NOX4: variants seen among roughly 807,000 people sequenced by gnomAD.
The protein encoded by NOX4 is NADPH oxidase 4, also known as kidney oxidase-1.
Under a neutral mutation model 87.6 loss-of-function variants are expected in NOX4, and 69 were observed. The ratio of observed to expected loss-of-function variants is 0.79; its 90% CI spans 0.65 to 0.96. NOX4 has a LOEUF of 0.96. Among genes scored for constraint, NOX4 ranks in the 40% least tolerant of loss-of-function variants. NOX4 has a pLI of 0.00. For missense variants in NOX4, 680 were observed against 681.5 expected (o/e 1.00, Z 0.02); for synonymous variants, 275 against 238.2 (o/e 1.15, Z -1.42).
At chr11:89,505,595 AC>A in the NOX4 span, among the ~76,000 whole-genome samples, 1 of 151,902 alleles carries the variant, frequency 6.6e-6, no homozygotes, top group African/African-American at 2.4e-5. Context: ...GAGTGCAGTT[AC>A]TGAGGGGACA....
chr11:89,438,671 A>G (rs1205826562), intron 6 of NOX4, among the ~76,000 whole-genome samples: 1 of 43,170 alleles, frequency 2.3e-5, no homozygotes, highest in Non-Finnish European at 3.2e-5. Flanking sequence ...TATATATTAT[A>G]TACTATATAT....
intron 12 of NOX4, among the ~76,000 whole-genome samples, chr11:89,359,626 C>T (rs1306104998): frequency 2.6e-5 from 4 of 152,004 alleles, no homozygotes; most frequent in African/African-American, 2.4e-5. Flanking sequence ...ATCACTGTCA[C>T]ATAATTAGTT....
chr11:89,484,714 T>A (rs931133704), intron 2 of NOX4, among the ~76,000 whole-genome samples: 5 of 152,180 alleles, frequency 3.3e-5, no homozygotes, highest in African/African-American at 1.2e-4. Flanking sequence ...CAGTGTCTAT[T>A]GTAAATAGAT....
chr11:89,424,812 G>C (rs921743822), intron 7 of NOX4, among the ~76,000 whole-genome samples: 1 of 151,862 alleles, frequency 6.6e-6, no homozygotes, highest in Admixed American at 6.6e-5. Flanking sequence ...TCAAACACTG[G>C]GGACTTATTC....
At chr11:89,549,275 T>C in the NOX4 span, among the ~76,000 whole-genome samples, 2 of 152,224 alleles carry the variant, frequency 1.3e-5, no homozygotes, top group Non-Finnish European at 2.9e-5. Context: ...ATAAGCTAAT[T>C]ATTCTTAAAA....
At chr11:89,459,261 G>A (rs893738382) in intron 2 of NOX4, among the ~76,000 whole-genome samples, 2 of 151,956 alleles carry the variant, frequency 1.3e-5, no homozygotes, top group African/African-American at 2.4e-5. Flanking sequence ...AAACAGGAAC[G>A]TAAAGAATGG....
rs71052233 is a variant in NOX4, at chr11:89,467,349, C to CAAAAAAAAAAAA, written c.154-15466_154-15455dup. Among the ~76,000 whole-genome samples the CAAAAAAAAAAAA allele has an allele frequency of 6.5e-4, 40 of 61,462 alleles. 3 individuals are homozygous for CAAAAAAAAAAAA. The highest frequency in any genetic ancestry group is 2.2e-3 in the African/African-American group (39 of 17,620). The allele number at this position is 61,462 out of a possible 152,430, so 40.3% of individuals were successfully genotyped here. On this transcript the variant is annotated intron_variant, in intron 2 of 17. Transcript: ENST00000263317. ...CTGGGCGACAGAGCCAAACTCGTCACAAAAAAAAAAAAAAAAAAAAAAAAA... is the reference window on the plus strand; with the variant it reads ...CTGGGCGACAGAGCCAAACTCGTCACAAAAAAAAAAAAAAAAAAAAAAAAAAAAAAAAAAAAA...
At chr11:89,446,833 T>C (rs550979546) in intron 4 of NOX4, among the ~76,000 whole-genome samples, 10 of 152,132 alleles carry the variant, frequency 6.6e-5, no homozygotes, top group Non-Finnish European at 8.8e-5. Flanking sequence ...ATAGAATGTA[T>C]AGCATCAAGT....
chr11:89,361,017 C>T (rs887452990), intron 12 of NOX4, among the ~76,000 whole-genome samples: 16 of 152,006 alleles, frequency 1.1e-4, no homozygotes, highest in African/African-American at 3.9e-4. Context: ...TAAATTAGTG[C>T]AAATGACTAT....
At chr11:89,477,306 G>T (rs1387679549) in intron 2 of NOX4, among the ~76,000 whole-genome samples, 2 of 152,082 alleles carry the variant, frequency 1.3e-5, no homozygotes, top group Non-Finnish European at 1.5e-5. Context: ...CTCCTGCGCA[G>T]TTCACAATAA....
the NOX4 span, among the ~76,000 whole-genome samples, chr11:89,583,571 G>A: frequency 1.3e-5 from 2 of 152,006 alleles, no homozygotes; most frequent in Non-Finnish European, 2.9e-5. Flanking sequence ...TACTATCAAA[G>A]ATTTATCCTA....
At chr11:89,529,057 G>A in the NOX4 span, among the ~76,000 whole-genome samples, 5 of 152,042 alleles carry the variant, frequency 3.3e-5, no homozygotes, top group Non-Finnish European at 5.9e-5. Flanking sequence ...CAAATCCCCA[G>A]AAAGTGTAGA....
intron 7 of NOX4, among the ~76,000 whole-genome samples, chr11:89,426,109 A>T (rs1304166749): frequency 6.6e-6 from 1 of 152,208 alleles, no homozygotes; most frequent in Non-Finnish European, 1.5e-5. Flanking sequence ...ATAAGAATCA[A>T]TATGAATGCA....
intron 7 of NOX4, among the ~76,000 whole-genome samples, chr11:89,427,158 G>A (rs568981794): frequency 1.1e-4 from 16 of 152,260 alleles, no homozygotes; most frequent in African/African-American, 3.9e-4. Context: ...TGCAGCTGAG[G>A]GTCCTGACTG....
chr11:89,524,381 A>C, the NOX4 span, among the ~76,000 whole-genome samples: 1 of 152,304 alleles, frequency 6.6e-6, no homozygotes, highest in African/African-American at 2.4e-5. Flanking sequence ...ACAAGTACTG[A>C]GTACCTTCTA....
rs558692369 is a variant in NOX4 at position 89,407,646 on chromosome 11, T to A, written c.630-5104A>T. ...TATACTATCTTGGTGTTTTTGTTGT[T>A]TGTTTTGCTTTCTGTTTGTTTCTTT... On this transcript the variant is annotated intron_variant, in intron 8 of 17. Coordinates refer to ENST00000263317, the MANE Select transcript of NOX4 (RefSeq NM_016931.5). Among the ~76,000 whole-genome samples the A allele has an allele frequency of 5.3e-5, 8 of 152,204 alleles. No individual in the cohort carries two copies. The South Asian group carries it at 1.4e-3, about 28-fold the overall frequency.
chr11:89,443,371 A>G (rs1174851584), intron 5 of NOX4: 1 of 151,808 alleles, frequency 6.6e-6, no homozygotes, highest in Non-Finnish European at 1.5e-5. Flanking sequence ...ATAAGTCACT[A>G]CCAAACTTAG....
At chr11:89,359,529 G>A (rs1938351057) in intron 12 of NOX4, among the ~76,000 whole-genome samples, 2 of 151,356 alleles carry the variant, frequency 1.3e-5, no homozygotes, top group South Asian at 4.2e-4. Context: ...ACAAAAAAAA[G>A]AAAGAAAAAA....
the NOX4 span, among the ~76,000 whole-genome samples, chr11:89,532,229 C>T: frequency 6.6e-6 from 1 of 152,286 alleles, no homozygotes; most frequent in Admixed American, 6.5e-5. Context: ...TTACACTGTG[C>T]ACCTGGAAAA....
Sources: allele counts gnomAD v4.1 joint callset (sites outside exome capture counted in the v4.1 genomes callset), GRCh38; gene constraint gnomAD v4.1.1; transcripts MANE v1.5; gene names NCBI Gene and HGNC (gene_info 2026-07-23, HGNC 2026-07-21).